DRC11: variants seen among roughly 807,000 people sequenced by gnomAD.
The protein encoded by DRC11 is dynein regulatory complex subunit 11.
the DRC11 span, chr2:236,332,661 T>C: frequency 3.3e-5 from 5 of 152,210 alleles, no homozygotes; most frequent in Non-Finnish European, 7.3e-5. This position sits in a 1 kb window ranked among gnomAD's most constrained non-coding sequence, Gnocchi z 5.1. Flanking sequence ...ACAAGTATGT[T>C]GATCCAAAAA....
chr2:236,493,122 G>T, the DRC11 span, among the ~76,000 whole-genome samples: 2 of 152,282 alleles, frequency 1.3e-5, no homozygotes, highest in African/African-American at 2.4e-5. Flanking sequence ...AAGGTGAAAG[G>T]CACATCTCAT....
At chr2:236,337,484 C>T in the DRC11 span, among the ~76,000 whole-genome samples, 3 of 152,192 alleles carry the variant, frequency 2.0e-5, no homozygotes, top group African/African-American at 7.2e-5. This position sits in a 1 kb window ranked among gnomAD's most constrained non-coding sequence, Gnocchi z 4.9. Context: ...GTCACAGCAG[C>T]CCTGTGGCGT....
At chr2:236,393,623 A>C in the DRC11 span, among the ~76,000 whole-genome samples, 1 of 152,214 alleles carries the variant, frequency 6.6e-6, no homozygotes, top group Non-Finnish European at 1.5e-5. This position sits in a 1 kb window ranked among gnomAD's most constrained non-coding sequence, Gnocchi z 4.7. Context: ...TGAACAAACC[A>C]CAGAGGACCA....
the DRC11 span, among the ~76,000 whole-genome samples, chr2:236,370,455 G>A: frequency 6.6e-6 from 1 of 152,184 alleles, no homozygotes; most frequent in African/African-American, 2.4e-5. The surrounding 1 kb of genome is among the most constrained non-coding windows in gnomAD (Gnocchi z 5.5). Flanking sequence ...GAGCCTGGGA[G>A]GAGAGACCGG....
At chr2:236,320,493 ATCAGGGCCTT>A in the DRC11 span, among the ~76,000 whole-genome samples, 1 of 152,176 alleles carries the variant, frequency 6.6e-6, no homozygotes, top group Non-Finnish European at 1.5e-5. Flanking sequence ...ATTCTTCAGC[ATCAGGGCCTT>A]TCAATTTGCT....
At chr2:236,464,359 C>T in the DRC11 span, among the ~76,000 whole-genome samples, 1 of 152,182 alleles carries the variant, frequency 6.6e-6, no homozygotes, top group African/African-American at 2.4e-5. Flanking sequence ...AATACCCCAT[C>T]AAGAAAACAG....
At chr2:236,357,145 A>ATATATTATGTATTCATATATATCTG in the DRC11 span, among the ~76,000 whole-genome samples, 20 of 98,516 alleles carry the variant, frequency 2.0e-4, no homozygotes, top group Non-Finnish European at 2.1e-4. Context: ...TTATATATCT[A>ATATATTATGTATTCATATATATCTG]TATATTATGT....
At chr2:236,453,938 G>A in the DRC11 span, among the ~76,000 whole-genome samples, 3 of 152,104 alleles carry the variant, frequency 2.0e-5, no homozygotes, top group Admixed American at 1.3e-4. The surrounding 1 kb of genome is among the most constrained non-coding windows in gnomAD (Gnocchi z 4.9). Context: ...CACCGTGCCC[G>A]GCCCAGTGTT....
At chr2:236,316,145 T>TTCTCTCTCTC in the DRC11 span, among the ~76,000 whole-genome samples, 456 of 146,202 alleles carry the variant, frequency 3.1e-3, 4 homozygotes, top group African/African-American at 0.01. This position sits in a 1 kb window ranked among gnomAD's most constrained non-coding sequence, Gnocchi z 6.8. Flanking sequence ...ACTTATTTTC[T>TTCTCTCTCTC]TCTCTCTCTC....
the DRC11 span, among the ~76,000 whole-genome samples, chr2:236,325,194 G>T: frequency 2.6e-5 from 4 of 152,096 alleles, no homozygotes; most frequent in African/African-American, 9.7e-5. The surrounding 1 kb of genome is among the most constrained non-coding windows in gnomAD (Gnocchi z 4.4). Context: ...TTGAAACCAC[G>T]GTAGAAATAA....
the DRC11 span, among the ~76,000 whole-genome samples, chr2:236,420,068 G>T: frequency 0.025 from 3,811 of 152,252 alleles, 160 homozygotes; most frequent in African/African-American, 0.086. The surrounding 1 kb of genome is among the most constrained non-coding windows in gnomAD (Gnocchi z 4.8). Flanking sequence ...AGCTCTAAAA[G>T]GGAGCCAGCA....
the DRC11 span, among the ~76,000 whole-genome samples, chr2:236,491,245 A>ACAATATAT: frequency 1.1e-4 from 5 of 44,646 alleles, no homozygotes; most frequent in Admixed American, 1.8e-4. Flanking sequence ...ATATATACAC[A>ACAATATAT]GTATATATAT....
chr2:236,380,478 G>A, the DRC11 span: 3 of 942,284 alleles, frequency 3.2e-6, no homozygotes, highest in South Asian at 1.4e-5. The surrounding 1 kb of genome is among the most constrained non-coding windows in gnomAD (Gnocchi z 4.9). Flanking sequence ...TGAAGAGGGC[G>A]TGGCATCACA....
At chr2:236,333,445 G>A in the DRC11 span, 1 of 153,388 alleles carries the variant, frequency 6.5e-6, no homozygotes, top group East Asian at 1.9e-4. This position sits in a 1 kb window ranked among gnomAD's most constrained non-coding sequence, Gnocchi z 6.0. Context: ...GATCTGGTGT[G>A]TCTTCCGTCC....
At chr2:236,433,962 C>G in the DRC11 span, among the ~76,000 whole-genome samples, 1 of 152,172 alleles carries the variant, frequency 6.6e-6, no homozygotes, top group East Asian at 1.9e-4. Flanking sequence ...TTTTAAATAT[C>G]AAAAATGGAT....
the DRC11 span, among the ~76,000 whole-genome samples, chr2:236,460,500 T>C: frequency 6.6e-6 from 1 of 152,210 alleles, no homozygotes; most frequent in Non-Finnish European, 1.5e-5. The surrounding 1 kb of genome is among the most constrained non-coding windows in gnomAD (Gnocchi z 4.0). Flanking sequence ...CAAGGTATTA[T>C]ACTCATTGAT....
At chr2:236,416,749 ATATATATATATATATAT>A in the DRC11 span, among the ~76,000 whole-genome samples, 1 of 57,876 alleles carries the variant, frequency 1.7e-5, no homozygotes, top group South Asian at 4.3e-4. Flanking sequence ...ATATATATAT[ATATATATATATATATAT>A]ATAAATAATT....
At chr2:236,352,949 C>T in the DRC11 span, among the ~76,000 whole-genome samples, 6 of 152,228 alleles carry the variant, frequency 3.9e-5, no homozygotes, top group East Asian at 3.9e-4. This position sits in a 1 kb window ranked among gnomAD's most constrained non-coding sequence, Gnocchi z 7.0. Flanking sequence ...CGTTTTTATG[C>T]GTACTGTCAC....
chr2:236,382,581 G>A, the DRC11 span, among the ~76,000 whole-genome samples: 3 of 152,170 alleles, frequency 2.0e-5, no homozygotes, highest in East Asian at 5.8e-4. Flanking sequence ...TCATGAATAT[G>A]GTATGTCTGT....
Sources: gnomAD v4.1 joint callset for allele counts (sites outside exome capture counted in the v4.1 genomes callset) on GRCh38, gnomAD v4.1.1 for gene constraint, Gnocchi (gnomAD v3.1) non-coding constraint, MANE v1.5 for transcripts, NCBI Gene and HGNC (gene_info 2026-07-23, HGNC 2026-07-21) for gene names.